Variants in GIGYF1 observed in about 807,000 individuals in gnomAD.
GIGYF1 encodes GRB10-interacting GYF protein 1.
A neutral mutation model predicts 147.1 loss-of-function variants in GIGYF1; 84 were observed. That is an observed-to-expected ratio of 0.57 (90% CI 0.48 to 0.68). The LOEUF (loss-of-function observed/expected upper bound fraction) is 0.68. Ranked by LOEUF, GIGYF1 falls within the 30% of genes least tolerant of loss-of-function variation. The pLI is 0.00. For synonymous variants in GIGYF1, 752 were observed against 589.5 expected (o/e 1.28, Z -3.99); for missense variants, 1,485 against 1,393.7 (o/e 1.07, Z -1.04).
At chr7:100,693,181 C>T (rs1421976057) in intron 1 of GIGYF1, among the ~76,000 whole-genome samples, 1 of 152,148 alleles carries the variant, frequency 6.6e-6, no homozygotes, top group East Asian at 1.9e-4. Flanking sequence ...GTAGCATCTC[C>T]TAGTTCCTAG....
At chr7:100,684,180 G>C in intron 17 of GIGYF1, 23 bp from the exon 18 acceptor site, 1 of 1,609,066 alleles carries the variant, frequency 6.2e-7, no homozygotes, top group East Asian at 2.2e-5. Context: ...CAGTGGAGAT[G>C]GTGGGCCACA....
chr7:100,684,109 G>T lies in GIGYF1; in HGVS notation c.1779C>A (p.Asp593Glu). ...GCGGCGGCGGTGGTGGCGGTGTCAGGTCCCCCAGAGCTGCCTTTTCTCGGA... is the reference window on the plus strand; with the variant it reads ...GCGGCGGCGGTGGTGGCGGTGTCAGTTCCCCCAGAGCTGCCTTTTCTCGGA... ...CALREKAALG[D>E]LTPPPPPPPQ... The change falls in exon 18 of 27, where the codon GAC becomes GAA. Residue 593 changes from aspartate (D) to glutamate (E), a missense_variant. Physicochemically the swap from Asp to Glu is conservative, Grantham distance 45 (BLOSUM62 2). Transcript: ENST00000678049. 2 of 1,607,942 alleles carry T rather than the reference G, an allele frequency of 1.2e-6. No individual in the cohort carries two copies. The highest frequency in any genetic ancestry group is 2.2e-5 in the East Asian group (1 of 44,852).
Position 100,689,154 on chromosome 7 carries a change from T to C in GIGYF1, c.-697A>G, listed in dbSNP as rs557305522. Reference sequence around the variant, plus strand: ...AGGTGACTCTAGGGCCACAGACGGGTACACGACAAGGACTCCAGGCAGGCA... The same window carrying C: ...AGGTGACTCTAGGGCCACAGACGGGCACACGACAAGGACTCCAGGCAGGCA... On this transcript the variant is annotated 5_prime_UTR_variant, in exon 2 of 27. Transcript: ENST00000678049. 2 of 152,134 alleles carry C rather than the reference T, an allele frequency of 1.3e-5. No individual in the cohort carries two copies. Among genetic ancestry groups the C allele is most frequent in the East Asian group, 3.9e-4 (2 of 5,170 alleles). The allele number at this position is 152,134 out of a possible 1,614,324, so 9.4% of individuals were successfully genotyped here.
At position 100,682,714 on chromosome 7, in the gene GIGYF1, C is replaced by A; in HGVS notation, c.2476G>T (p.Gly826Cys). ...CCGCCCCCACTCTTGTCTGGCCCGC[C>A]CCACAGTGGCCCAGCCTCAGACACC... Reference protein sequence around the residue: ...QWVSEAGPLWGGPDKSGGGSS... With the variant: ...QWVSEAGPLWCGPDKSGGGSS... Residue 826 changes from glycine (G) to cysteine (C), a missense_variant, in exon 23 of 27, where the codon GGC becomes TGC. Transcript: ENST00000678049. 1 of 1,575,482 alleles carries A rather than the reference C, an allele frequency of 6.3e-7. No individual in the cohort carries two copies. The highest frequency in any genetic ancestry group is 1.4e-5 in the African/African-American group (1 of 73,914).
In GIGYF1 at chr7:100,688,191, A is replaced by T; in HGVS notation, c.35+13T>A. ...CTCGAATCTCCACGGCAGCCGAGGC[A>T]CAAGTGACTCACCACTCAGGCCCAA... On this transcript the variant is annotated intron_variant, in intron 4 of 26. Coordinates refer to ENST00000678049, the MANE Select transcript of GIGYF1 (RefSeq NM_001375765.1). 1 of 1,611,946 alleles carries T rather than the reference A, an allele frequency of 6.2e-7. No individual in the cohort carries two copies. Among genetic ancestry groups the T allele is most frequent in the Non-Finnish European group, 8.5e-7 (1 of 1,179,126 alleles).
At position 100,680,601 on chromosome 7, in the gene GIGYF1, T is replaced by G. The variant is rs1584484942; in HGVS notation, c.*1118A>C. 6.6e-6 allele frequency: 1 copy of G among 152,546 alleles called. No homozygotes were observed. Among genetic ancestry groups the G allele is most frequent in the South Asian group, 2.1e-4 (1 of 4,832 alleles). 9.4% of individuals were successfully genotyped at this position (152,546 alleles called of 1,614,324 possible). ...CGGAAGGGTCAGGTGCAGAGCTGGGTGGTCCACATCTTACGAGCTGGCTAC... is the reference window on the plus strand; with the variant it reads ...CGGAAGGGTCAGGTGCAGAGCTGGGGGGTCCACATCTTACGAGCTGGCTAC... On this transcript the variant is annotated 3_prime_UTR_variant, in exon 27 of 27. Coordinates refer to ENST00000678049, the MANE Select transcript of GIGYF1 (RefSeq NM_001375765.1).
rs931123662 is a variant in GIGYF1, at chr7:100,682,859, G to A, written c.2413-82C>T. Reference sequence around the variant, plus strand: ...GGGGAGGCTTGTTTAGGTGGCAAAGGGAGACAGGTGAGGTGAGGGCCACAA... The same window carrying A: ...GGGGAGGCTTGTTTAGGTGGCAAAGAGAGACAGGTGAGGTGAGGGCCACAA... On this transcript the variant is annotated intron_variant, in intron 22 of 26. Coordinates refer to ENST00000678049, the MANE Select transcript of GIGYF1 (RefSeq NM_001375765.1). The A allele has an allele frequency of 5.0e-6, 7 of 1,399,462 alleles. No individual in the cohort carries two copies. The African/African-American group carries it at 8.6e-5, about 17-fold the overall frequency. 86.7% of individuals were successfully genotyped at this position (1,399,462 alleles called of 1,614,324 possible). A position where few individuals can be genotyped will look rare whatever the true frequency, so the allele number is the denominator to read the frequency against.
intron 1 of GIGYF1, among the ~76,000 whole-genome samples, chr7:100,693,328 A>G (rs1019410080): frequency 1.3e-5 from 2 of 151,438 alleles, no homozygotes; most frequent in African/African-American, 4.9e-5. Context: ...AAAGTGTGAG[A>G]GCTGTGGCCA....
In GIGYF1 at chr7:100,681,930, C is replaced by G; in HGVS notation, c.2989G>C (p.Gly997Arg). ...TTGGCCTTGCTGCCCTCCCCGGGGC[C>G]GAGTTTGGTGCTGTGGTTGGCCTGG... ...AFQANHSTKL[G>R]PGEGSKAKRR... The change falls in exon 26 of 27, where the codon GGC (glycine) becomes CGC (arginine). Residue 997 changes from glycine to arginine, a missense_variant. Physicochemically the swap from Gly to Arg is moderately radical, Grantham distance 125. Transcript: ENST00000678049. 6.2e-7 allele frequency: 1 copy of G among 1,610,300 alleles called. No individual in the cohort carries two copies. The highest frequency in any genetic ancestry group is 2.2e-5 in the East Asian group (1 of 44,880).
chr7:100,685,876 G>A, intron 12 of GIGYF1, 98 bp downstream of exon 12: 5 of 961,368 alleles, frequency 5.2e-6, no homozygotes, highest in Non-Finnish European at 8.0e-6. Flanking sequence ...TAAGTAGCCT[G>A]ATTCTACAGG....
chr7:100,686,527 T>C, intron 10 of GIGYF1, 94 bp from the exon 11 acceptor site: 1 of 1,514,954 alleles, frequency 6.6e-7, no homozygotes, highest in Non-Finnish European at 8.8e-7. Context: ...CCAGGGCTGC[T>C]GTCCCGGCCA....
chr7:100,687,731 C>G, intron 6 of GIGYF1, 57 bp downstream of exon 6: 1 of 1,572,940 alleles, frequency 6.4e-7, no homozygotes, highest in African/African-American at 1.4e-5. Flanking sequence ...CCTCCTAACC[C>G]AACCCATGGC....
intron 17 of GIGYF1, 31 bp downstream of exon 17, chr7:100,684,206 C>A (rs931001519): frequency 1.2e-6 from 2 of 1,609,892 alleles, no homozygotes; most frequent in East Asian, 2.2e-5. Flanking sequence ...AGCGCCGGGC[C>A]TTCTCCCAGC....
Position 100,683,230 on chromosome 7 carries a change from C to G in GIGYF1, c.2194G>C (p.Val732Leu). Residue 732 changes from valine (V) to leucine (L), a missense_variant and splice_region_variant, in exon 22 of 27, where the codon GTG becomes CTG. Physicochemically the swap from Val to Leu is conservative, Grantham distance 32. Transcript: ENST00000678049. ...TTCAGCAATAGCTCCTGCTGCCGCA[C>G]CTAAGAGGGGGACATGGTGAGGGGA... ...EEEELFRRKH[V>L]RQQELLLKLL... is the part of the protein sequence containing the mutation. The G allele has an allele frequency of 6.2e-7, 1 of 1,612,344 alleles. No homozygotes were observed. The highest frequency in any genetic ancestry group is 8.5e-7 in the Non-Finnish European group (1 of 1,179,978).
At chr7:100,681,833 G>A in intron 26 of GIGYF1, 31 bp downstream of exon 26, 2 of 1,609,596 alleles carry the variant, frequency 1.2e-6, no homozygotes, top group Non-Finnish European at 1.7e-6. Context: ...CTGTGCCAAG[G>A]AAGTCCCGCT....
chr7:100,687,545 C>A lies in GIGYF1; in HGVS notation c.333G>T (p.Leu111=), dbSNP rs774931013. 7 of 1,612,530 alleles carry A rather than the reference C, an allele frequency of 4.3e-6. No individual in the cohort carries two copies. Among genetic ancestry groups the A allele is most frequent in the African/African-American group, 1.3e-5 (1 of 75,036 alleles). ...TGCCCCTGCCTCGGGAGGTGCCAGC[C>A]AGGGGGGGGCCAGCCCCTTTCCCCA... ...RLMGKGAGPP[L]AGTSRGRGST... is the part of the protein sequence containing the mutation. Residue 111 remains leucine (L), a synonymous_variant, in exon 7 of 27, where the codon CTG becomes CTT. Coordinates refer to ENST00000678049, the MANE Select transcript of GIGYF1 (RefSeq NM_001375765.1).
Position 100,682,758 on chromosome 7 carries a change from G to T in GIGYF1, c.2432C>A (p.Thr811Asn). ...NHRVQLGGLG[T>N]APLNQWVSEA... ...AGACACCCACTGGTTCAGGGGGGCA[G>T]TGCCCAGGCCCCCAAGCTGCTACAG... The change falls in exon 23 of 27, where the codon ACT becomes AAT. Residue 811 changes from threonine to asparagine, a missense_variant. Transcript: ENST00000678049. 6.5e-7 allele frequency: 1 copy of T among 1,533,452 alleles called. No homozygotes were observed. The highest frequency in any genetic ancestry group is 8.8e-7 in the Non-Finnish European group (1 of 1,142,306). The allele number at this position is 1,533,452 out of a possible 1,614,324, so 95.0% of individuals were successfully genotyped here.
chr7:100,687,472 GCCCGTC>G (rs777218633), intron 7 of GIGYF1, 27 bp downstream of exon 7: 1 of 1,605,200 alleles, frequency 6.2e-7, no homozygotes, highest in Admixed American at 1.7e-5. Context: ...GCCCAGATCT[GCCCGTC>G]CCCAGGACAC....
chr7:100,691,884 C>T (rs1407894913), intron 1 of GIGYF1, among the ~76,000 whole-genome samples: 1 of 152,252 alleles, frequency 6.6e-6, no homozygotes, highest in Non-Finnish European at 1.5e-5. Flanking sequence ...CAGTAGGCGC[C>T]AGGGCGCGCG....
Sources: allele counts gnomAD v4.1 joint callset (sites outside exome capture counted in the v4.1 genomes callset), GRCh38; gene constraint gnomAD v4.1.1; transcripts MANE v1.5; gene names NCBI Gene and HGNC (gene_info 2026-07-23, HGNC 2026-07-21).